The following SIK3 variants were observed in gnomAD, a reference collection of about 807,000 sequenced individuals.
The protein encoded by SIK3 is SIK family kinase 3.
Under a neutral mutation model 144.2 loss-of-function variants are expected in SIK3, and 28 were observed. The ratio of observed to expected loss-of-function variants is 0.19; its 90% CI spans 0.14 to 0.27. The LOEUF (loss-of-function observed/expected upper bound fraction) is 0.27. SIK3 is among the 10% of genes least tolerant of loss of function. SIK3 has a pLI of 1.00. For missense variants in SIK3, 1,319 were observed against 1,776.0 expected, an observed-to-expected ratio of 0.74 and a Z score of 4.62; for synonymous variants, 686 against 676.3, an observed-to-expected ratio of 1.01 and a Z score of -0.22.
intron 1 of SIK3, among the ~76,000 whole-genome samples, chr11:116,966,648 T>C (rs1227875765): frequency 6.6e-6 from 1 of 151,786 alleles, no homozygotes; most frequent in Non-Finnish European, 1.5e-5. Context: ...GTGTTCAACC[T>C]ACAACTTATA....
intron 1 of SIK3, among the ~76,000 whole-genome samples, chr11:117,094,324 A>G (rs1183738528): frequency 6.6e-6 from 1 of 152,196 alleles, no homozygotes; most frequent in Admixed American, 6.5e-5. Context: ...TGGGCCAAGC[A>G]TTTGGGTTAC....
chr11:116,889,758 G>A (rs117457463), intron 6 of SIK3, among the ~76,000 whole-genome samples: 13,134 of 152,084 alleles, frequency 0.086, 1,109 homozygotes, highest in African/African-American at 0.22. Flanking sequence ...TTAGGTGGGC[G>A]TGGTGGCGTG....
chr11:117,013,917 T>TGG (rs1951393940), intron 1 of SIK3, among the ~76,000 whole-genome samples: 2 of 50,868 alleles, frequency 3.9e-5, no homozygotes, highest in Non-Finnish European at 5.1e-5. Flanking sequence ...GGGGGGAGGG[T>TGG]GTGTGTGTGT....
At chr11:116,860,762 C>T (rs1943279965) in intron 19 of SIK3, among the ~76,000 whole-genome samples, 1 of 148,978 alleles carries the variant, frequency 6.7e-6, no homozygotes, top group African/African-American at 2.6e-5. Context: ...GAAGTGTAGT[C>T]CCCATGTGTC....
chr11:117,071,782 ATTTTTTTTT>A (rs57735255), intron 1 of SIK3, among the ~76,000 whole-genome samples: 3 of 105,642 alleles, frequency 2.8e-5, no homozygotes, highest in Non-Finnish European at 5.5e-5. Context: ...TGCTTGGTTA[ATTTTTTTTT>A]TTTTTTTTTT....
chr11:117,042,639 G>A (rs773321333), intron 1 of SIK3, among the ~76,000 whole-genome samples: 13 of 152,100 alleles, frequency 8.5e-5, no homozygotes, highest in Non-Finnish European at 1.6e-4. Context: ...ATTTTGCTGT[G>A]GTTTCTCAGT....
intron 1 of SIK3, among the ~76,000 whole-genome samples, chr11:117,006,577 C>G (rs191978836): frequency 6.6e-6 from 1 of 151,914 alleles, no homozygotes; most frequent in Admixed American, 6.6e-5. Flanking sequence ...GCGGGAGGAA[C>G]CCTTTAGCCT....
intron 3 of SIK3, among the ~76,000 whole-genome samples, chr11:116,945,692 C>A (rs1254980462): frequency 6.6e-6 from 1 of 152,138 alleles, no homozygotes; most frequent in Non-Finnish European, 1.5e-5. Flanking sequence ...AAACTCTAAA[C>A]AGGATCAGTC....
At chr11:117,077,939 T>C (rs2136035754) in intron 1 of SIK3, among the ~76,000 whole-genome samples, 1 of 152,324 alleles carries the variant, frequency 6.6e-6, no homozygotes, top group South Asian at 2.1e-4. Flanking sequence ...AAATCCACGG[T>C]TAGGCTTTTT....
At chr11:116,999,240 T>C (rs1372866234) in intron 1 of SIK3, among the ~76,000 whole-genome samples, 1 of 152,250 alleles carries the variant, frequency 6.6e-6, no homozygotes, top group Non-Finnish European at 1.5e-5. Flanking sequence ...TCAGTTGATA[T>C]ACTTCACTTG....
At chr11:116,999,305 T>C (rs1464801957) in intron 1 of SIK3, among the ~76,000 whole-genome samples, 6 of 152,228 alleles carry the variant, frequency 3.9e-5, no homozygotes, top group African/African-American at 9.6e-5. Flanking sequence ...CATTTTGTAA[T>C]TAAGACATAT....
At chr11:116,884,992 C>G (rs1424917142) in intron 6 of SIK3, among the ~76,000 whole-genome samples, 1 of 152,056 alleles carries the variant, frequency 6.6e-6, no homozygotes, top group Admixed American at 6.5e-5. Flanking sequence ...TCCCACACTT[C>G]AGTAAAATTT....
intron 1 of SIK3, among the ~76,000 whole-genome samples, chr11:116,974,269 G>C (rs1949870497): frequency 6.6e-6 from 1 of 152,184 alleles, no homozygotes; most frequent in Non-Finnish European, 1.5e-5. Flanking sequence ...TAATGTTGGA[G>C]ATACCAGACT....
rs185563593 is a variant in SIK3, at chr11:116,925,219, T to A, written c.616+2000A>T. Among the ~76,000 whole-genome samples the A allele has an allele frequency of 1.9e-4, 28 of 150,422 alleles. No homozygotes were observed. The East Asian group carries it at 5.5e-3, about 30-fold the overall frequency. On this transcript the variant is annotated intron_variant, in intron 4 of 24. Transcript: ENST00000445177. ...AGCTGAGATCACGCCACTGCCCTCCTGCCTGGGCAACAGAATGAGGCCCTG... is the reference window on the plus strand; with the variant it reads ...AGCTGAGATCACGCCACTGCCCTCCAGCCTGGGCAACAGAATGAGGCCCTG...
chr11:117,076,091 C>A (rs983429893), intron 1 of SIK3, among the ~76,000 whole-genome samples: 2 of 151,888 alleles, frequency 1.3e-5, no homozygotes, highest in Admixed American at 6.6e-5. Flanking sequence ...TTAGGTGATC[C>A]ACCCACCACA....
intron 1 of SIK3, among the ~76,000 whole-genome samples, chr11:117,054,753 A>AC (rs1193520913): frequency 1.3e-5 from 2 of 152,274 alleles, no homozygotes; most frequent in South Asian, 2.1e-4. Context: ...ACATAGTGAG[A>AC]CCCCATCTCT....
At chr11:116,942,764 G>C (rs959794349) in intron 3 of SIK3, among the ~76,000 whole-genome samples, 4 of 152,226 alleles carry the variant, frequency 2.6e-5, no homozygotes, top group African/African-American at 9.6e-5. Context: ...GTGAGGAGGA[G>C]AGTGCTAGGA....
chr11:116,933,552 C>T (rs1442257395), intron 3 of SIK3, among the ~76,000 whole-genome samples: 1 of 152,216 alleles, frequency 6.6e-6, no homozygotes, highest in African/African-American at 2.4e-5. Context: ...TTAGCTATTA[C>T]AAAGAAAGCT....
intron 1 of SIK3, among the ~76,000 whole-genome samples, chr11:116,960,896 T>A (rs964447255): frequency 6.6e-6 from 1 of 152,228 alleles, no homozygotes; most frequent in African/African-American, 2.4e-5. Context: ...TTAGATTTGC[T>A]TCACTAAGCA....
Sources: allele counts gnomAD v4.1 joint callset (sites outside exome capture counted in the v4.1 genomes callset), GRCh38; gene constraint gnomAD v4.1.1; transcripts MANE v1.5; gene names NCBI Gene and HGNC (gene_info 2026-07-23, HGNC 2026-07-21).